The following GMPR variants were observed in gnomAD, a reference collection of about 807,000 sequenced individuals.
GMPR encodes the protein GMP reductase 1.
A neutral mutation model predicts 38.4 loss-of-function variants in GMPR; 31 were observed. That is an observed-to-expected ratio of 0.81 (90% CI 0.61 to 1.09). The LOEUF (loss-of-function observed/expected upper bound fraction) is 1.09, where lower values mean the gene tolerates loss of function less well. Ranked by LOEUF, GMPR falls within the 50% of genes least tolerant of loss-of-function variation. The pLI, the probability that GMPR is intolerant of heterozygous loss-of-function variation, is 0.00. For synonymous variants in GMPR, 162 were observed against 173.3 expected (o/e 0.93, Z 0.51); for missense variants, 468 against 453.7 (o/e 1.03, Z -0.29).
At chr6:16,252,178 C>T (rs905331220) in intron 3 of GMPR, among the ~76,000 whole-genome samples, 3 of 152,122 alleles carry the variant, frequency 2.0e-5, no homozygotes, top group African/African-American at 7.2e-5. Context: ...TGTTTGTTTT[C>T]ACTTTCTTCT....
intron 7 of GMPR, among the ~76,000 whole-genome samples, chr6:16,289,733 GGAGTGTCA>G (rs1759796226): frequency 6.6e-6 from 1 of 150,950 alleles, no homozygotes; most frequent in African/African-American, 2.4e-5. Context: ...ATAAGCACAG[GGAGTGTCA>G]GAGTGTGGAG....
chr6:16,274,330 C>T (rs2113693684), intron 4 of GMPR, 85 bp from the exon 5 acceptor site: 1 of 871,668 alleles, frequency 1.1e-6, no homozygotes, highest in Admixed American at 1.8e-5. Context: ...AGGACATGCA[C>T]ATCCTCGTGT....
At chr6:16,286,356 G>A (rs1581665810) in intron 7 of GMPR, among the ~76,000 whole-genome samples, 1 of 151,858 alleles carries the variant, frequency 6.6e-6, no homozygotes, top group Non-Finnish European at 1.5e-5. Context: ...AGCACTAGAC[G>A]CTCCAGCCTC....
chr6:16,268,110 C>T (rs1472621083), intron 4 of GMPR, among the ~76,000 whole-genome samples: 1 of 152,174 alleles, frequency 6.6e-6, no homozygotes, highest in Non-Finnish European at 1.5e-5. Context: ...GCTGAGAGCA[C>T]CTCTCAGGCC....
chr6:16,245,699 A>G (rs1462879360), intron 1 of GMPR, among the ~76,000 whole-genome samples: 1 of 152,192 alleles, frequency 6.6e-6, no homozygotes, highest in African/African-American at 2.4e-5. Context: ...TGAGGATATT[A>G]AGGCACCCCA....
rs770423358 is a variant in GMPR at position 16,239,592 on chromosome 6, GC to G, written c.87+813del. ...GCGCTGGTGACTGGCTTTGCTGAGA[GC>G]TGGAGAGGAAGGTGAGGAAACCGGA... is the stretch of plus-strand genomic sequence containing the variant. On this transcript the variant is annotated intron_variant, in intron 1 of 8. Transcript: ENST00000259727. 5.1e-4 allele frequency among the ~76,000 whole-genome samples: 77 copies of G among 152,372 alleles called. 1 individual carries two copies. Among genetic ancestry groups the G allele is most frequent in the Non-Finnish European group, 2.8e-4 (19 of 68,038 alleles).
chr6:16,285,931 G>C (rs1338519262), intron 7 of GMPR, 96 bp downstream of exon 7: 4 of 1,053,690 alleles, frequency 3.8e-6, no homozygotes, highest in Non-Finnish European at 5.7e-6. Context: ...GGGGGACCTG[G>C]TGGGGAAGTT....
chr6:16,243,181 G>A (rs1758682199), intron 1 of GMPR, among the ~76,000 whole-genome samples: 1 of 152,146 alleles, frequency 6.6e-6, no homozygotes, highest in Non-Finnish European at 1.5e-5. Context: ...GAATCGCCTG[G>A]GGAAACACTC....
intron 8 of GMPR, among the ~76,000 whole-genome samples, chr6:16,293,150 C>T (rs544295740): frequency 6.6e-6 from 1 of 152,300 alleles, no homozygotes; most frequent in Admixed American, 6.5e-5. Context: ...ATCATTATTT[C>T]ATTCTCACGC....
At chr6:16,292,336 A>G (rs1053488815) in intron 8 of GMPR, among the ~76,000 whole-genome samples, 1 of 151,894 alleles carries the variant, frequency 6.6e-6, no homozygotes, top group African/African-American at 2.4e-5. Context: ...CCAGAGTTCT[A>G]TTCATCCGTG....
At chr6:16,246,022 G>T (rs1271383642) in intron 1 of GMPR, among the ~76,000 whole-genome samples, 2 of 152,214 alleles carry the variant, frequency 1.3e-5, no homozygotes, top group Non-Finnish European at 2.9e-5. Flanking sequence ...AATGGAGCCT[G>T]TAGCAGTTAG....
intron 6 of GMPR, among the ~76,000 whole-genome samples, chr6:16,284,056 C>G (rs1220017533): frequency 1.3e-5 from 2 of 152,222 alleles, no homozygotes; most frequent in Non-Finnish European, 2.9e-5. Flanking sequence ...GGCCAGATAA[C>G]ATACGGCAAG....
chr6:16,291,710 A>G (rs1051136316), intron 8 of GMPR, among the ~76,000 whole-genome samples: 3 of 152,170 alleles, frequency 2.0e-5, no homozygotes, highest in Admixed American at 2.0e-4. Flanking sequence ...CGGGAGTTCC[A>G]GATGAGCCTA....
intron 4 of GMPR, among the ~76,000 whole-genome samples, chr6:16,269,492 T>C (rs535947648): frequency 9.1e-4 from 138 of 152,264 alleles, no homozygotes; most frequent in African/African-American, 3.2e-3. Flanking sequence ...CTGAATAGCT[T>C]ATATTATAAA....
chr6:16,285,879 G>A, intron 7 of GMPR, 44 bp downstream of exon 7: 1 of 1,509,716 alleles, frequency 6.6e-7, no homozygotes, highest in Non-Finnish European at 9.1e-7. Flanking sequence ...GAAGGAAGGA[G>A]GGAGCTCCCT....
chr6:16,256,549 AAAG>A (rs1186841732), intron 4 of GMPR, among the ~76,000 whole-genome samples: 1 of 150,908 alleles, frequency 6.6e-6, no homozygotes, highest in Admixed American at 6.6e-5. Flanking sequence ...AAAAAAAAAA[AAAG>A]AGTTGTTCCA....
Position 16,274,482 on chromosome 6 carries a change from T to C in GMPR, c.533T>C (p.Val178Ala), listed in dbSNP as rs1472792644. 6.2e-7 allele frequency: 1 copy of C among 1,600,470 alleles called. No individual in the cohort carries two copies. The highest frequency in any genetic ancestry group is 1.1e-5 in the South Asian group (1 of 90,770). Residue 178 changes from valine to alanine, a missense_variant, in exon 5 of 9, where the codon GTG becomes GCG. Val to Ala is a moderately conservative substitution (Grantham distance 64). Coordinates refer to ENST00000259727, the MANE Select transcript of GMPR (RefSeq NM_006877.4). ...CTTTCCGGAGCAGATATCATCAAAG[T>C]GGGAGTTGGACCAGGTAAGACTTGT... is the stretch of plus-strand genomic sequence containing the variant. ...LILSGADIIK[V>A]GVGPGSVCTT...
At chr6:16,273,576 A>G (rs1447281272) in intron 4 of GMPR, among the ~76,000 whole-genome samples, 2 of 152,090 alleles carry the variant, frequency 1.3e-5, no homozygotes, top group Admixed American at 6.6e-5. Context: ...TGCTGATGCT[A>G]TGTGGTCCAT....
chr6:16,262,306 G>T (rs1759103443), intron 4 of GMPR: 1 of 151,980 alleles, frequency 6.6e-6, no homozygotes, highest in African/African-American at 2.4e-5. Context: ...GAGAGCCTTG[G>T]GCCAGAATTC....
Sources: gnomAD v4.1 joint callset for allele counts (sites outside exome capture counted in the v4.1 genomes callset) on GRCh38, gnomAD v4.1.1 for gene constraint, MANE v1.5 for transcripts, NCBI Gene and HGNC (gene_info 2026-07-23, HGNC 2026-07-21) for gene names.